Variants in DLGAP2 observed in about 807,000 individuals in gnomAD.
DLGAP2 encodes the protein DLG associated protein 2, also known as disks large-associated protein 2.
In DLGAP2, 26 loss-of-function variants were observed where a neutral mutation model predicts 100.3. That is an observed-to-expected ratio of 0.26 (90% CI 0.19 to 0.36). DLGAP2 has a LOEUF of 0.36. DLGAP2 is among the 10% of genes least tolerant of loss of function. DLGAP2 has a pLI of 1.00. For missense variants in DLGAP2, 1,858 were observed against 1,453.2 expected, an observed-to-expected ratio of 1.28 and a Z score of -4.53; for synonymous variants, 886 against 630.1, an observed-to-expected ratio of 1.41 and a Z score of -6.08.
intron 1 of DLGAP2, among the ~76,000 whole-genome samples, chr8:876,962 C>A (rs562223938): frequency 2.0e-5 from 3 of 150,034 alleles, no homozygotes; most frequent in African/African-American, 7.3e-5. Context: ...TTTCCAACAG[C>A]GGAATTTCCA....
chr8:896,497 G>T (rs1798144576), intron 1 of DLGAP2, among the ~76,000 whole-genome samples: 1 of 152,136 alleles, frequency 6.6e-6, no homozygotes, highest in Non-Finnish European at 1.5e-5. Flanking sequence ...TCTAAATGGT[G>T]CCATGGACTG....
At chr8:1,234,556 C>T (rs1474363036) in intron 2 of DLGAP2, among the ~76,000 whole-genome samples, 1 of 152,202 alleles carries the variant, frequency 6.6e-6, no homozygotes, top group South Asian at 2.1e-4. Flanking sequence ...ACTAAGGTCA[C>T]ATTCTGAGGT....
intron 6 of DLGAP2, among the ~76,000 whole-genome samples, chr8:1,583,332 C>T (rs530591399): frequency 1.1e-4 from 17 of 152,280 alleles, no homozygotes; most frequent in East Asian, 3.9e-4. Context: ...GCTCAGAAGA[C>T]GGGCTCAGAT....
intron 3 of DLGAP2, among the ~76,000 whole-genome samples, chr8:1,353,341 A>T (rs1010929711): frequency 6.6e-6 from 1 of 152,214 alleles, no homozygotes; most frequent in African/African-American, 2.4e-5. Context: ...CTGTGAAAGT[A>T]ATGCACATTC....
intron 2 of DLGAP2, among the ~76,000 whole-genome samples, chr8:1,059,061 A>T (rs1405941334): frequency 6.6e-6 from 1 of 151,974 alleles, no homozygotes; most frequent in South Asian, 2.1e-4. Flanking sequence ...GGCTCCCCCC[A>T]TGTGTCCATG....
At chr8:1,418,822 C>T (rs1563135058) in intron 3 of DLGAP2, among the ~76,000 whole-genome samples, 1 of 152,226 alleles carries the variant, frequency 6.6e-6, no homozygotes, top group Admixed American at 6.5e-5. Flanking sequence ...AAGGACGCAG[C>T]CCCGCAAGAC....
At chr8:1,323,478 C>T (rs1005451916) in intron 3 of DLGAP2, among the ~76,000 whole-genome samples, 1 of 152,188 alleles carries the variant, frequency 6.6e-6, no homozygotes, top group Admixed American at 6.5e-5. Context: ...TTCCTCCCAC[C>T]CCACACTGTG....
chr8:1,144,734 A>G (rs1375175484), intron 2 of DLGAP2, among the ~76,000 whole-genome samples: 3 of 152,372 alleles, frequency 2.0e-5, no homozygotes, highest in Middle Eastern at 3.4e-3. Flanking sequence ...TCTAGGGTCC[A>G]TCCAGGAAAC....
intron 1 of DLGAP2, among the ~76,000 whole-genome samples, chr8:858,358 C>T (rs1797322674): frequency 6.6e-6 from 1 of 152,274 alleles, no homozygotes; most frequent in Non-Finnish European, 1.5e-5. Context: ...ATTCCGACTG[C>T]ATGGCATTCT....
In DLGAP2 at chr8:1,206,042, A is replaced by T. The variant is rs1285537548; in HGVS notation, c.74-52809A>T. Among the ~76,000 whole-genome samples the T allele has an allele frequency of 3.3e-5, 5 of 152,176 alleles. No homozygotes were observed. In the East Asian group the frequency reaches 9.7e-4, roughly 29 times the overall value. ...GATTTCATCAGCAAATCAAGCAGGAAGTTCAGGGAGCCATCTCAGTCGGGA... is the reference window on the plus strand; with the variant it reads ...GATTTCATCAGCAAATCAAGCAGGATGTTCAGGGAGCCATCTCAGTCGGGA... On this transcript the variant is annotated intron_variant, in intron 2 of 14. Coordinates refer to ENST00000637795, the MANE Select transcript of DLGAP2 (RefSeq NM_001346810.2).
At chr8:894,684 G>A (rs1422317287) in intron 1 of DLGAP2, among the ~76,000 whole-genome samples, 3 of 146,530 alleles carry the variant, frequency 2.0e-5, no homozygotes, top group African/African-American at 7.7e-5. Flanking sequence ...GGAAAGTGGA[G>A]CGGTGGATGG....
At chr8:1,060,659 G>A (rs528383100) in intron 2 of DLGAP2, among the ~76,000 whole-genome samples, 1 of 152,332 alleles carries the variant, frequency 6.6e-6, no homozygotes, top group East Asian at 1.9e-4. Context: ...AGATCCCAGT[G>A]GCCCTACATT....
At chr8:916,943 G>C (rs1031071154) in intron 2 of DLGAP2, among the ~76,000 whole-genome samples, 47 of 152,194 alleles carry the variant, frequency 3.1e-4, no homozygotes, top group African/African-American at 1.1e-3. Flanking sequence ...GCCTCTTGTG[G>C]GGACAGCCTG....
At chr8:1,015,161 C>T (rs1269150491) in intron 2 of DLGAP2, among the ~76,000 whole-genome samples, 3 of 8,546 alleles carry the variant, frequency 3.5e-4, no homozygotes, top group Non-Finnish European at 7.7e-4. Context: ...CCAGGACAGA[C>T]GACGCCTCCA....
intron 4 of DLGAP2, among the ~76,000 whole-genome samples, chr8:1,518,064 G>A (rs1230506861): frequency 2.6e-5 from 4 of 152,250 alleles, no homozygotes; most frequent in South Asian, 2.1e-4. Context: ...ACTGATGGCT[G>A]CTGCCGGATG....
intron 2 of DLGAP2, among the ~76,000 whole-genome samples, chr8:1,083,085 G>A (rs1456078113): frequency 6.6e-6 from 1 of 152,212 alleles, no homozygotes; most frequent in South Asian, 2.1e-4. Context: ...AACAAGAGAC[G>A]TGATCAGTTA....
chr8:1,240,648 C>T (rs1245763631), intron 2 of DLGAP2, among the ~76,000 whole-genome samples: 1 of 150,878 alleles, frequency 6.6e-6, no homozygotes, highest in Admixed American at 6.6e-5. Flanking sequence ...AGTTCTCTCT[C>T]ACACAGAGCA....
chr8:1,415,513 C>G (rs184400009), intron 3 of DLGAP2, among the ~76,000 whole-genome samples: 1 of 152,114 alleles, frequency 6.6e-6, no homozygotes, highest in Non-Finnish European at 1.5e-5. Flanking sequence ...ACCTTTATGT[C>G]CACGTGTGCC....
chr8:1,083,615 A>G (rs756792604), intron 2 of DLGAP2, among the ~76,000 whole-genome samples: 5 of 152,320 alleles, frequency 3.3e-5, no homozygotes, highest in Middle Eastern at 3.4e-3. Context: ...GATGTAGTGA[A>G]ATGTTGAGAA....
Sources: allele counts gnomAD v4.1 joint callset (sites outside exome capture counted in the v4.1 genomes callset), GRCh38; gene constraint gnomAD v4.1.1; transcripts MANE v1.5; gene names NCBI Gene and HGNC (gene_info 2026-07-23, HGNC 2026-07-21).